Variants in SDHAF4 observed in about 807,000 individuals in gnomAD.
The protein encoded by SDHAF4 is succinate dehydrogenase complex assembly factor 4.
In SDHAF4, 14 loss-of-function variants were observed where a neutral mutation model predicts 14.3. That is an observed-to-expected ratio of 0.98 (90% CI 0.65 to 1.53). The LOEUF is 1.53. SDHAF4 is among the 40% of genes most tolerant of loss of function. The probability of loss-of-function intolerance (pLI) is 0.00; values close to 1 mark genes in which losing one functional copy is unlikely to be tolerated. For synonymous variants in SDHAF4, 63 were observed against 47.3 expected (o/e 1.33, Z -1.36); for missense variants, 141 against 129.3 (o/e 1.09, Z -0.44).
the SDHAF4 span, among the ~76,000 whole-genome samples, chr6:70,595,348 C>T: frequency 1.3e-5 from 2 of 152,242 alleles, no homozygotes; most frequent in South Asian, 2.1e-4. Context: ...GAAGATTGTA[C>T]GGAGACTCAT....
chr6:70,573,710 C>T (rs1802216661), intron 1 of SDHAF4, among the ~76,000 whole-genome samples: 1 of 145,622 alleles, frequency 6.9e-6, no homozygotes. Flanking sequence ...GAGTCTTGCT[C>T]TGTTGCCCTG....
chr6:70,578,912 C>T (rs1453064378), intron 1 of SDHAF4, among the ~76,000 whole-genome samples: 2 of 152,164 alleles, frequency 1.3e-5, no homozygotes, highest in Non-Finnish European at 2.9e-5. Context: ...AGCTCCTGGG[C>T]TCAAGGAATC....
At chr6:70,569,374 T>C (rs1338204785) in intron 1 of SDHAF4, among the ~76,000 whole-genome samples, 2 of 152,096 alleles carry the variant, frequency 1.3e-5, no homozygotes, top group Non-Finnish European at 2.9e-5. Context: ...GTTCAAACGA[T>C]TCTCCTGCCT....
chr6:70,591,228 G>A (rs1765255081), downstream of SDHAF4, among the ~76,000 whole-genome samples: 1 of 151,544 alleles, frequency 6.6e-6, no homozygotes, highest in Admixed American at 6.6e-5. Context: ...CAACATGTTA[G>A]CCACTTAGAG....
chr6:70,595,868 AAAAT>A, the SDHAF4 span, among the ~76,000 whole-genome samples: 19 of 152,114 alleles, frequency 1.2e-4, no homozygotes, highest in African/African-American at 4.6e-4. Context: ...GAAAAAAAGA[AAAAT>A]AGTATGTTAA....
chr6:70,584,247 C>G (rs1415734486), intron 2 of SDHAF4, among the ~76,000 whole-genome samples: 3 of 152,174 alleles, frequency 2.0e-5, no homozygotes, highest in Non-Finnish European at 4.4e-5. Flanking sequence ...GAACTGCTGA[C>G]CTCGTGATCC....
intron 1 of SDHAF4, chr6:70,567,631 T>C (rs1012126777): frequency 6.6e-6 from 1 of 152,212 alleles, no homozygotes; most frequent in Non-Finnish European, 1.5e-5. Flanking sequence ...TTTCTCAAGA[T>C]AATACAGTTA....
chr6:70,580,111 A>G (rs893901749), intron 2 of SDHAF4, among the ~76,000 whole-genome samples: 6 of 152,000 alleles, frequency 3.9e-5, no homozygotes, highest in African/African-American at 1.5e-4. Flanking sequence ...GTGTGTGTGT[A>G]GAACTCCAGT....
intron 1 of SDHAF4, among the ~76,000 whole-genome samples, chr6:70,574,632 TTATC>T (rs1179949386): frequency 2.6e-5 from 4 of 152,128 alleles, no homozygotes; most frequent in Non-Finnish European, 4.4e-5. Context: ...CAGGTGGTTT[TTATC>T]TATGTTTTAA....
the SDHAF4 span, among the ~76,000 whole-genome samples, chr6:70,597,372 T>C: frequency 0.41 from 59,735 of 147,130 alleles, 12,741 homozygotes; most frequent in African/African-American, 0.52. Context: ...TGGTCTCAAA[T>C]GTCTGACCTC....
downstream of SDHAF4, among the ~76,000 whole-genome samples, chr6:70,594,461 C>T (rs1765284080): frequency 6.6e-6 from 1 of 152,088 alleles, no homozygotes; most frequent in African/African-American, 2.4e-5. Context: ...AGAGTAGAAA[C>T]ACCTGAGCTA....
chr6:70,580,640 G>A (rs988463708), intron 2 of SDHAF4, among the ~76,000 whole-genome samples: 2 of 152,264 alleles, frequency 1.3e-5, no homozygotes, highest in East Asian at 3.9e-4. Flanking sequence ...AAACTATTCA[G>A]TCATAAAAAG....
In SDHAF4 at chr6:70,573,554, A is replaced by G. The variant is rs112236532; in HGVS notation, c.65-5860A>G. On this transcript the variant is annotated intron_variant, in intron 1 of 2. Coordinates refer to ENST00000370474, the MANE Select transcript of SDHAF4 (RefSeq NM_145267.3). The stretch of plus-strand genomic sequence containing the variant: ...GCTAGGATTACAGGTGTGAGCCACA[A>G]TGCCCGGCCAGCTATTTGGCCTTTT... 4.3e-3 allele frequency among the ~76,000 whole-genome samples: 655 copies of G among 151,446 alleles called. 4 individuals are homozygous for G. Among genetic ancestry groups the G allele is most frequent in the African/African-American group, 0.015 (619 of 41,216 alleles).
At chr6:70,575,566 T>G (rs987270740) in intron 1 of SDHAF4, among the ~76,000 whole-genome samples, 3 of 152,178 alleles carry the variant, frequency 2.0e-5, no homozygotes, top group African/African-American at 7.2e-5. Context: ...CATTATTTAC[T>G]TTCGTAAAGG....
At chr6:70,593,673 C>G (rs1292362509), downstream of SDHAF4, among the ~76,000 whole-genome samples, 7 of 150,820 alleles carry the variant, frequency 4.6e-5, no homozygotes, top group Non-Finnish European at 1.0e-4. Context: ...GATTATTTTC[C>G]AGCTTCAAGG....
the SDHAF4 span, chr6:70,596,914 A>G: frequency 2.0e-5 from 3 of 152,244 alleles, no homozygotes; most frequent in South Asian, 2.1e-4. Flanking sequence ...ATGATAGTAT[A>G]TTAGTAATTT....
intron 2 of SDHAF4, 111 bp from the exon 3 acceptor site, chr6:70,588,504 A>AG (rs1765228653): frequency 2.1e-6 from 1 of 478,416 alleles, no homozygotes; most frequent in African/African-American, 2.0e-5. Flanking sequence ...TGGGCAACAG[A>AG]GGGAGACTCT....
downstream of SDHAF4, among the ~76,000 whole-genome samples, chr6:70,591,561 T>C (rs9446273): frequency 0.44 from 66,673 of 151,660 alleles, 15,192 homozygotes; most frequent in Middle Eastern, 0.55. Flanking sequence ...GATCTCCTGA[T>C]CTCGTGATCT....
At chr6:70,594,994 A>T in the SDHAF4 span, among the ~76,000 whole-genome samples, 2 of 152,076 alleles carry the variant, frequency 1.3e-5, no homozygotes, top group Admixed American at 6.5e-5. Flanking sequence ...GGACTAAGAC[A>T]GTAGGTATAG....
Sources: allele counts gnomAD v4.1 joint callset (sites outside exome capture counted in the v4.1 genomes callset), GRCh38; gene constraint gnomAD v4.1.1; transcripts MANE v1.5; gene names NCBI Gene and HGNC (gene_info 2026-07-23, HGNC 2026-07-21).